Variants in NLGN4X observed in about 807,000 individuals in gnomAD.
The protein encoded by NLGN4X is neuroligin 4 X-linked.
In NLGN4X, 3 loss-of-function variants were observed where a neutral mutation model predicts 40.3. That is an observed-to-expected ratio of 0.07 (90% CI 0.03 to 0.19). The LOEUF is 0.19. NLGN4X is among the 10% of genes least tolerant of loss of function. NLGN4X has a pLI of 1.00. For missense variants in NLGN4X, 382 were observed against 708.3 expected, an observed-to-expected ratio of 0.54 and a Z score of 5.23; for synonymous variants, 270 against 306.8, an observed-to-expected ratio of 0.88 and a Z score of 1.25.
At chrX:5,972,140 C>CACACACAG (rs774566122) in intron 3 of NLGN4X, among the ~76,000 whole-genome samples, 5,528 of 109,404 alleles carry the variant, frequency 0.051, 339 homozygotes, top group African/African-American at 0.17. Context: ...CACAGGCACA[C>CACACACAG]ACACATATGT....
At chrX:6,056,889 T>C (rs1030269984) in intron 2 of NLGN4X, among the ~76,000 whole-genome samples, 4 of 112,192 alleles carry the variant, frequency 3.6e-5, no homozygotes, top group African/African-American at 9.7e-5. Context: ...TGGAAAGCGA[T>C]GGATGGCCTC....
In NLGN4X at chrX:6,009,247, T is replaced by C. The variant is rs1299741115; in HGVS notation, c.625+20033A>G. 4.5e-5 allele frequency among the ~76,000 whole-genome samples: 5 copies of C among 112,064 alleles called. No individual in the cohort carries two copies. In the East Asian group the frequency reaches 8.4e-4, roughly 19 times the overall value. On this transcript the variant is annotated intron_variant, in intron 3 of 5. Transcript: ENST00000381095. ...TTCCTGCTTTCAATTCTTTTGAGTA[T>C]ATACCCAGAGGTAGAATTGGAGTAT...
intron 2 of NLGN4X, among the ~76,000 whole-genome samples, chrX:6,144,246 T>C (rs776556911): frequency 1.3e-3 from 147 of 111,560 alleles, no homozygotes; most frequent in Middle Eastern, 9.4e-3. Context: ...CCCAAGGGTG[T>C]TTTCAACTAG....
chrX:5,980,038 TACTC>T (rs1473360458), intron 3 of NLGN4X, among the ~76,000 whole-genome samples: 1 of 106,999 alleles, frequency 9.3e-6, no homozygotes, highest in Non-Finnish European at 1.9e-5. Flanking sequence ...GTAATAGTGA[TACTC>T]AGTATATCAT....
chrX:5,932,051 G>GA (rs1179030559), intron 3 of NLGN4X, among the ~76,000 whole-genome samples: 2 of 111,371 alleles, frequency 1.8e-5, no homozygotes, highest in Non-Finnish European at 3.8e-5. Flanking sequence ...CAAGCCCACG[G>GA]AAAACTCAGC....
rs758945662 is a variant in NLGN4X, at chrX:6,163,254, T to C, written c.-305-11483A>G. Among the ~76,000 whole-genome samples the C allele has an allele frequency of 2.7e-5, 3 of 112,264 alleles. No homozygotes were observed. In the East Asian group the frequency reaches 8.4e-4, roughly 31 times the overall value. On this transcript the variant is annotated intron_variant, in intron 1 of 5. Transcript: ENST00000381095. ...AAAAAAGACTAATACAGTACATATATGTAAACACATATAAATTTAGAACAA... is the reference window on the plus strand; with the variant it reads ...AAAAAAGACTAATACAGTACATATACGTAAACACATATAAATTTAGAACAA...
intron 1 of NLGN4X, among the ~76,000 whole-genome samples, chrX:6,208,477 T>C (rs1924243223): frequency 8.9e-6 from 1 of 112,279 alleles, no homozygotes; most frequent in Non-Finnish European, 1.9e-5. Context: ...TCTATTCTGG[T>C]TATGAAAAAC....
chrX:6,213,087 G>A (rs1211042695), intron 1 of NLGN4X, among the ~76,000 whole-genome samples: 1 of 109,142 alleles, frequency 9.2e-6, no homozygotes, highest in Non-Finnish European at 1.9e-5. Flanking sequence ...GGGCAGGGAG[G>A]GGAGAGTACA....
intron 1 of NLGN4X, among the ~76,000 whole-genome samples, chrX:6,201,118 A>C (rs904488960): frequency 3.6e-5 from 4 of 112,038 alleles, no homozygotes; most frequent in African/African-American, 1.3e-4. Context: ...AGAAAGTATC[A>C]GGTCTCCTGG....
At chrX:6,090,003 G>T (rs955346916) in intron 2 of NLGN4X, among the ~76,000 whole-genome samples, 3 of 111,337 alleles carry the variant, frequency 2.7e-5, no homozygotes, top group African/African-American at 9.8e-5. Flanking sequence ...GTGCTCCCAA[G>T]TGTGTGGACC....
At chrX:5,912,016 A>C (rs1439564337) in intron 3 of NLGN4X, among the ~76,000 whole-genome samples, 1 of 112,240 alleles carries the variant, frequency 8.9e-6, no homozygotes, top group African/African-American at 3.2e-5. Context: ...ATTACCAGCC[A>C]TTATTCCAGA....
At chrX:6,113,471 A>T (rs2039199661) in intron 2 of NLGN4X, among the ~76,000 whole-genome samples, 1 of 111,593 alleles carries the variant, frequency 9.0e-6, no homozygotes, top group Non-Finnish European at 1.9e-5. Flanking sequence ...AAAAATAAAA[A>T]GTAGTGACAC....
chrX:6,123,112 G>A (rs2039460993), intron 2 of NLGN4X, among the ~76,000 whole-genome samples: 1 of 111,067 alleles, frequency 9.0e-6, no homozygotes, highest in Admixed American at 9.7e-5. Flanking sequence ...AAAAAAAAAG[G>A]CTTAAAAGTG....
chrX:6,034,454 G>A (rs1164018277), intron 2 of NLGN4X, among the ~76,000 whole-genome samples: 2 of 112,032 alleles, frequency 1.8e-5, no homozygotes, highest in Non-Finnish European at 3.8e-5. Flanking sequence ...GAACATTTGT[G>A]TACTATTTTT....
chrX:6,218,019 C>T (rs916184903), intron 1 of NLGN4X, among the ~76,000 whole-genome samples: 3 of 111,979 alleles, frequency 2.7e-5, no homozygotes, highest in Non-Finnish European at 3.8e-5. Flanking sequence ...TAAGTCTATC[C>T]GTTCCGCCTA....
Position 5,903,166 on chromosome X carries a change from G to A in NLGN4X, c.1512C>T (p.Pro504=). 3.3e-6 allele frequency: 4 copies of A among 1,212,174 alleles called. No homozygotes were observed. The highest frequency in any genetic ancestry group is 3.3e-6 in the Non-Finnish European group (3 of 895,605). ...AAAAGTTACAACTGAAGAGCTCGGT[G>A]GGACCGATCATGGGGATGCCGAAGA... ...PYVFGIPMIG[P]TELFSCNFSK... is the part of the protein sequence containing the mutation. Residue 504 remains proline (P), a synonymous_variant, in exon 5 of 6, where the codon CCC becomes CCT. Coordinates refer to ENST00000381095, the MANE Select transcript of NLGN4X (RefSeq NM_181332.3).
At chrX:6,161,036 A>G (rs1320767293) in intron 1 of NLGN4X, among the ~76,000 whole-genome samples, 4 of 94,769 alleles carry the variant, frequency 4.2e-5, no homozygotes, top group Non-Finnish European at 8.1e-5. Context: ...TATAAAATAT[A>G]TTATTCTATA....
intron 3 of NLGN4X, among the ~76,000 whole-genome samples, chrX:5,945,658 T>A (rs188011979): frequency 1.8e-5 from 2 of 111,272 alleles, no homozygotes; most frequent in Non-Finnish European, 3.8e-5. Flanking sequence ...ATTCTAAGGA[T>A]AATGGCCTCC....
chrX:5,921,266 G>A (rs952700596), intron 3 of NLGN4X, among the ~76,000 whole-genome samples: 1 of 106,139 alleles, frequency 9.4e-6, no homozygotes, highest in Non-Finnish European at 1.9e-5. Context: ...TGACAGACAA[G>A]GTCAGAAAGA....
Sources: allele counts gnomAD v4.1 joint callset (sites outside exome capture counted in the v4.1 genomes callset), GRCh38; gene constraint gnomAD v4.1.1; transcripts MANE v1.5; gene names NCBI Gene and HGNC (gene_info 2026-07-23, HGNC 2026-07-21).